Variants in PCDHGB2 observed in about 807,000 individuals in gnomAD.
PCDHGB2 encodes the protein protocadherin gamma subfamily B, 2.
PCDHGB2 carries 55 observed loss-of-function variants against 59.3 expected under a neutral mutation model. The ratio of observed to expected loss-of-function variants is 0.93; its 90% CI spans 0.75 to 1.16. The LOEUF is 1.16. Ranked by LOEUF, PCDHGB2 falls within the 50% of genes most tolerant of loss-of-function variation. The pLI, the probability that PCDHGB2 is intolerant of heterozygous loss-of-function variation, is 0.00. For missense variants in PCDHGB2, 1,228 were observed against 1,198.5 expected, an observed-to-expected ratio of 1.02 and a Z score of -0.36; for synonymous variants, 516 against 512.0, an observed-to-expected ratio of 1.01 and a Z score of -0.11.
chr5:141,433,837 C>CAAAAAAAAA (rs56191208), intron 1 of PCDHGB2, among the ~76,000 whole-genome samples: 1 of 111,704 alleles, frequency 9.0e-6, no homozygotes, highest in Non-Finnish European at 1.9e-5. Flanking sequence ...AACTCTATCT[C>CAAAAAAAAA]AAAAAAAAAA....
chr5:141,376,027 C>A (rs750383085), intron 1 of PCDHGB2: 30 of 1,613,250 alleles, frequency 1.9e-5, no homozygotes, highest in Non-Finnish European at 2.5e-5. Context: ...CCGTCCAGGA[C>A]CACGGCCAGC....
Position 141,511,285 on chromosome 5 carries a change from G to C in PCDHGB2, c.*112G>C. On this transcript the variant is annotated 3_prime_UTR_variant, in exon 4 of 4. Coordinates refer to ENST00000522605, the MANE Select transcript of PCDHGB2 (RefSeq NM_018923.3). Reference sequence around the variant, plus strand: ...GGGCTAACCCCCAGAATACTGGTAGGGGCCAAGGCCATGCTCCCCTTGGGA... The same window carrying C: ...GGGCTAACCCCCAGAATACTGGTAGCGGCCAAGGCCATGCTCCCCTTGGGA... 1 of 1,521,904 alleles carries C rather than the reference G, an allele frequency of 6.6e-7. No homozygotes were observed. The highest frequency in any genetic ancestry group is 8.8e-7 in the Non-Finnish European group (1 of 1,131,664). 94.3% of individuals were successfully genotyped at this position (1,521,904 alleles called of 1,614,324 possible).
rs752031820 is a variant in PCDHGB2 at position 141,360,903 on chromosome 5, G to T, written c.768G>T (p.Pro256=). ...GGGTCACCCTGAGGGAGGACGTGCC[G>T]CCGGGCTTCTTTGTGCTTCAAGTGA... The part of the protein sequence containing the change: ...VYRVTLREDV[P]PGFFVLQVTA... Residue 256 remains proline (P), a synonymous_variant, in exon 1 of 4, where the codon CCG becomes CCT. Coordinates refer to ENST00000522605, the MANE Select transcript of PCDHGB2 (RefSeq NM_018923.3). The T allele has an allele frequency of 6.2e-7, 1 of 1,613,916 alleles. No individual in the cohort carries two copies. The highest frequency in any genetic ancestry group is 2.2e-5 in the East Asian group (1 of 44,900).
Position 141,436,345 on chromosome 5 carries a change from G to A in PCDHGB2, c.2422-58462G>A, listed in dbSNP as rs930858667. 5.9e-4 allele frequency among the ~76,000 whole-genome samples: 90 copies of A among 152,212 alleles called. 1 individual carries two copies. Among genetic ancestry groups the A allele is most frequent in the African/African-American group, 1.7e-3 (69 of 41,540 alleles). ...GTTAGACCATATCTCAAATATCAGT[G>A]ACTTCAATCAACTATGTTTCCAGTT... On this transcript the variant is annotated intron_variant, in intron 1 of 3. Coordinates refer to ENST00000522605, the MANE Select transcript of PCDHGB2 (RefSeq NM_018923.3).
chr5:141,405,225 C>T (rs2154536264), intron 1 of PCDHGB2: 4 of 1,614,082 alleles, frequency 2.5e-6, no homozygotes, highest in Non-Finnish European at 1.7e-6. Context: ...CAGGAGTTCT[C>T]CCTCACCGCT....
Position 141,487,682 on chromosome 5 carries a change from G to A in PCDHGB2, c.2422-7125G>A, listed in dbSNP as rs757434520. On this transcript the variant is annotated intron_variant, in intron 1 of 3. Transcript: ENST00000522605. This position sits in a 1 kb window ranked among gnomAD's most constrained non-coding sequence, Gnocchi z 5.0. ...TGATCCAGGCATATGGCTAGGCCATGTCCTAGAGAGTACTGGCCTCTCAGT... is the reference window on the plus strand; with the variant it reads ...TGATCCAGGCATATGGCTAGGCCATATCCTAGAGAGTACTGGCCTCTCAGT... The A allele has an allele frequency of 1.2e-6, 2 of 1,607,256 alleles. No individual in the cohort carries two copies. Among genetic ancestry groups the A allele is most frequent in the East Asian group, 4.5e-5 (2 of 44,762 alleles).
At chr5:141,472,369 G>A (rs1194465676) in intron 1 of PCDHGB2, among the ~76,000 whole-genome samples, 2 of 151,770 alleles carry the variant, frequency 1.3e-5, no homozygotes, top group Admixed American at 6.6e-5. Flanking sequence ...GTGAAACCCC[G>A]TCTCCACTAA....
In PCDHGB2 at chr5:141,487,198, T is replaced by C; in HGVS notation, c.2422-7609T>C. ...AAGACACTCATCCAGTTGTCCCAGA[T>C]CTTCGAGAATCTTCAGCTCCAAGGG... On this transcript the variant is annotated intron_variant, in intron 1 of 3. Transcript: ENST00000522605. The surrounding 1 kb of genome is among the most constrained non-coding windows in gnomAD (Gnocchi z 5.0). The C allele has an allele frequency of 6.2e-7, 1 of 1,613,854 alleles. No homozygotes were observed.
In PCDHGB2 at chr5:141,383,687, C is replaced by T; in HGVS notation, c.2421+21131C>T. 1.2e-6 allele frequency: 2 copies of T among 1,613,968 alleles called. No homozygotes were observed. Among genetic ancestry groups the T allele is most frequent in the Middle Eastern group, 1.6e-4 (1 of 6,062 alleles). Reference sequence around the variant, plus strand: ...GTGCCAGTGGGTACAAGACTGCTCACGGTACATGCTATCGACCTGGACGAG... The same window carrying T: ...GTGCCAGTGGGTACAAGACTGCTCATGGTACATGCTATCGACCTGGACGAG... On this transcript the variant is annotated intron_variant, in intron 1 of 3. Coordinates refer to ENST00000522605, the MANE Select transcript of PCDHGB2 (RefSeq NM_018923.3).
chr5:141,419,217 G>A (rs1407588828), intron 1 of PCDHGB2: 1 of 1,613,936 alleles, frequency 6.2e-7, no homozygotes, highest in Admixed American at 1.7e-5. Context: ...CCGGTTTTCG[G>A]ACAGTCAGCC....
intron 1 of PCDHGB2, chr5:141,371,891 G>C (rs771271665): frequency 3.0e-5 from 48 of 1,613,328 alleles, no homozygotes; most frequent in Non-Finnish European, 3.9e-5. Context: ...TGGAGCCGCG[G>C]GAGCTGTCGT....
At position 141,485,680 on chromosome 5, in the gene PCDHGB2, C is replaced by A. The variant is rs1450674419; in HGVS notation, c.2422-9127C>A. The A allele has an allele frequency of 6.2e-7, 1 of 1,613,966 alleles. No individual in the cohort carries two copies. On this transcript the variant is annotated intron_variant, in intron 1 of 3. Transcript: ENST00000522605. The surrounding 1 kb of genome is among the most constrained non-coding windows in gnomAD (Gnocchi z 5.7). ...ATGTGGGGAGCAATTCGATTAGCAGCTATAGGCTGAGCTCCAATGAACACT... is the reference window on the plus strand; with the variant it reads ...ATGTGGGGAGCAATTCGATTAGCAGATATAGGCTGAGCTCCAATGAACACT...
chr5:141,375,190 T>C, intron 1 of PCDHGB2: 1 of 1,613,964 alleles, frequency 6.2e-7, no homozygotes, highest in South Asian at 1.1e-5. Context: ...TCGCCCTTTT[T>C]CAAGTGTTCG....
At position 141,486,873 on chromosome 5, in the gene PCDHGB2, G is replaced by A. The variant is rs769661146; in HGVS notation, c.2422-7934G>A. On this transcript the variant is annotated intron_variant, in intron 1 of 3. Transcript: ENST00000522605. This position sits in a 1 kb window ranked among gnomAD's most constrained non-coding sequence, Gnocchi z 5.0. ...AATGACAATGCTCCAGCTGTGCTCCGTCCTCGGGCCCGGCCTGGTTCCTTA... is the reference window on the plus strand; with the variant it reads ...AATGACAATGCTCCAGCTGTGCTCCATCCTCGGGCCCGGCCTGGTTCCTTA... 1.6e-5 allele frequency: 26 copies of A among 1,614,082 alleles called. No individual in the cohort carries two copies. Among genetic ancestry groups the A allele is most frequent in the African/African-American group, 4.0e-5 (3 of 74,922 alleles).
chr5:141,420,321 C>G (rs763682825), intron 1 of PCDHGB2: 2 of 1,410,974 alleles, frequency 1.4e-6, no homozygotes, highest in Non-Finnish European at 1.9e-6. Flanking sequence ...TACAATATGC[C>G]AATATATTCC....
intron 1 of PCDHGB2, chr5:141,410,046 G>T: frequency 6.2e-7 from 1 of 1,613,174 alleles, no homozygotes; most frequent in Non-Finnish European, 8.5e-7. Context: ...AGTGAGCCCG[G>T]ACTCTTCAGC....
In PCDHGB2 at chr5:141,366,878, A is replaced by AT. The variant is rs994289295; in HGVS notation, c.2421+4330dup. ...ACATTATTTGCTGTATTGGAGATTAATTTTTTTTATATAATTCATGCTTTC... is the reference window on the plus strand; with the variant it reads ...ACATTATTTGCTGTATTGGAGATTAATTTTTTTTTATATAATTCATGCTTTC... On this transcript the variant is annotated intron_variant, in intron 1 of 3. Coordinates refer to ENST00000522605, the MANE Select transcript of PCDHGB2 (RefSeq NM_018923.3). 4.5e-5 allele frequency: 61 copies of AT among 1,341,282 alleles called. No individual in the cohort carries two copies. The Admixed American group carries it at 4.7e-4, about 10-fold the overall frequency. 83.1% of individuals were successfully genotyped at this position (1,341,282 alleles called of 1,614,324 possible).
At chr5:141,383,621 T>C (rs1392247611) in intron 1 of PCDHGB2, 1 of 1,613,762 alleles carries the variant, frequency 6.2e-7, no homozygotes, top group Admixed American at 1.7e-5. Flanking sequence ...CACACGCCTG[T>C]CTTCTCTCTG....
chr5:141,408,694 A>T (rs2095152952), intron 1 of PCDHGB2: 1 of 1,613,772 alleles, frequency 6.2e-7, no homozygotes, highest in African/African-American at 1.3e-5. Flanking sequence ...ATATAAACAT[A>T]AACTCAATTA....
Sources: gnomAD v4.1 joint callset for allele counts (sites outside exome capture counted in the v4.1 genomes callset) on GRCh38, gnomAD v4.1.1 for gene constraint, Gnocchi (gnomAD v3.1) non-coding constraint, MANE v1.5 for transcripts, NCBI Gene and HGNC (gene_info 2026-07-23, HGNC 2026-07-21) for gene names.